The following FAM171B variants were observed in gnomAD, a reference collection of about 807,000 sequenced individuals.
FAM171B encodes the protein protein FAM171B.
In FAM171B, 19 loss-of-function variants were observed where a neutral mutation model predicts 75.6. The observed-to-expected ratio is 0.25, with a 90% CI of 0.18 to 0.37. FAM171B has a LOEUF of 0.37. Ranked by LOEUF, FAM171B falls within the 10% of genes least tolerant of loss-of-function variation. The probability of loss-of-function intolerance (pLI) is 1.00; values close to 1 mark genes in which losing one functional copy is unlikely to be tolerated. For synonymous variants in FAM171B, 367 were observed against 361.7 expected, an observed-to-expected ratio of 1.01 and a Z score of -0.17; for missense variants, 848 against 982.4, an observed-to-expected ratio of 0.86 and a Z score of 1.83.
rs998255449 is a variant in FAM171B, at chr2:186,763,888, T to C, written c.*1065T>C. On this transcript the variant is annotated 3_prime_UTR_variant, in exon 8 of 8. Transcript: ENST00000304698. ...TTCAGGATAGTTGTATATCCAGTTA[T>C]TGATTTTCTTAAAAGATGTGTAAGG... 1.3e-5 allele frequency: 2 copies of C among 152,146 alleles called. No homozygotes were observed. Among genetic ancestry groups the C allele is most frequent in the Admixed American group, 1.3e-4 (2 of 15,250 alleles). 9.4% of individuals were successfully genotyped at this position (152,146 alleles called of 1,614,324 possible).
intron 1 of FAM171B, among the ~76,000 whole-genome samples, chr2:186,703,431 G>C (rs776455640): frequency 6.6e-6 from 1 of 152,086 alleles, no homozygotes; most frequent in Non-Finnish European, 1.5e-5. Flanking sequence ...CCTGAGCTCC[G>C]AACACATTAT....
intron 1 of FAM171B, among the ~76,000 whole-genome samples, chr2:186,697,410 T>A (rs1397426391): frequency 6.6e-6 from 1 of 152,054 alleles, no homozygotes; most frequent in Non-Finnish European, 1.5e-5. Flanking sequence ...CCAGCTAATT[T>A]TTAATTTTTT....
intron 1 of FAM171B, among the ~76,000 whole-genome samples, chr2:186,713,704 T>C (rs1689838875): frequency 6.6e-6 from 1 of 152,216 alleles, no homozygotes; most frequent in African/African-American, 2.4e-5. Context: ...TAAAGCATAT[T>C]GTGCAATAAA....
chr2:186,698,364 A>G (rs1463388414), intron 1 of FAM171B, among the ~76,000 whole-genome samples: 1 of 152,084 alleles, frequency 6.6e-6, no homozygotes, highest in Non-Finnish European at 1.5e-5. Context: ...TAAACTTTTT[A>G]TTTCGCAAGA....
At position 186,765,545 on chromosome 2, in the gene FAM171B, G is replaced by C. The variant is rs902829027; in HGVS notation, c.*2722G>C. On this transcript the variant is annotated 3_prime_UTR_variant, in exon 8 of 8. Coordinates refer to ENST00000304698, the MANE Select transcript of FAM171B (RefSeq NM_177454.4). ...AGATTACAAATGTTGAGGAATGAAA[G>C]CACTTCTTTGCTTTGGCAATCATTT... The C allele has an allele frequency of 6.6e-6, 1 of 151,906 alleles. No homozygotes were observed. The highest frequency in any genetic ancestry group is 2.1e-4 in the South Asian group (1 of 4,814). 9.4% of individuals were successfully genotyped at this position (151,906 alleles called of 1,614,324 possible).
chr2:186,734,877 G>T (rs1690175353), intron 1 of FAM171B, among the ~76,000 whole-genome samples: 1 of 152,218 alleles, frequency 6.6e-6, no homozygotes, highest in Admixed American at 6.5e-5. Context: ...CATCCAGCTG[G>T]GTTGCAAAAG....
chr2:186,731,668 CAG>C (rs375125705), intron 1 of FAM171B, among the ~76,000 whole-genome samples: 81 of 152,288 alleles, frequency 5.3e-4, no homozygotes, highest in African/African-American at 1.8e-3. Flanking sequence ...GGGACACAGA[CAG>C]ATACAGATAC....
At chr2:186,734,031 T>G (rs1690161477) in intron 1 of FAM171B, among the ~76,000 whole-genome samples, 1 of 152,204 alleles carries the variant, frequency 6.6e-6, no homozygotes, top group Admixed American at 6.5e-5. Context: ...CAATGGGGAC[T>G]GAGCTTTTAT....
In FAM171B at chr2:186,740,398, A is replaced by G. The variant is rs747728735; in HGVS notation, c.409A>G (p.Ile137Val). Residue 137 changes from isoleucine to valine, a missense_variant, in exon 2 of 8, where the codon ATT becomes GTT. Physicochemically the swap from Ile to Val is conservative, Grantham distance 29. Transcript: ENST00000304698. ...VPYKLGLSLT[I>V]IAYKDGYVLT... The stretch of plus-strand genomic sequence containing the variant: ...CTACAAATTAGGACTTAGTTTAACT[A>G]TTATTGCTTACAAAGATGGCTACGT... 1 of 1,614,080 alleles carries G rather than the reference A, an allele frequency of 6.2e-7. No homozygotes were observed. Among genetic ancestry groups the G allele is most frequent in the Non-Finnish European group, 8.5e-7 (1 of 1,179,950 alleles).
intron 1 of FAM171B, among the ~76,000 whole-genome samples, chr2:186,714,751 A>G (rs1178347314): frequency 6.6e-6 from 1 of 152,186 alleles, no homozygotes; most frequent in Non-Finnish European, 1.5e-5. Context: ...TCACCCCTGG[A>G]CTTGTATTGA....
At chr2:186,713,031 T>C (rs1414593351) in intron 1 of FAM171B, among the ~76,000 whole-genome samples, 2 of 152,256 alleles carry the variant, frequency 1.3e-5, no homozygotes, top group Non-Finnish European at 2.9e-5. Flanking sequence ...AACTGCTTTT[T>C]GGTACTTAAA....
At chr2:186,730,835 G>GT (rs992812875) in intron 1 of FAM171B, among the ~76,000 whole-genome samples, 36 of 149,554 alleles carry the variant, frequency 2.4e-4, no homozygotes, top group Non-Finnish European at 3.0e-4. Flanking sequence ...GGAATATGCA[G>GT]TTTTTTTTTT....
At position 186,694,154 on chromosome 2, in the gene FAM171B, C is replaced by T; in HGVS notation, c.-20C>T. On this transcript the variant is annotated 5_prime_UTR_variant, in exon 1 of 8. Coordinates refer to ENST00000304698, the MANE Select transcript of FAM171B (RefSeq NM_177454.4). ...CCCGGAGCCCCGCAATATGCCGCCG[C>T]GGCCCTCTGGCTCTAGGCCATGGCG... 1 of 1,541,752 alleles carries T rather than the reference C, an allele frequency of 6.5e-7. No homozygotes were observed. The highest frequency in any genetic ancestry group is 1.2e-5 in the South Asian group (1 of 83,610).
At chr2:186,716,136 C>A (rs1319198693) in intron 1 of FAM171B, among the ~76,000 whole-genome samples, 1 of 152,128 alleles carries the variant, frequency 6.6e-6, no homozygotes, top group Non-Finnish European at 1.5e-5. Context: ...CCTCAGCATC[C>A]TCAGTAGCTG....
At chr2:186,722,433 AAAGGGACTT>A (rs1689969147) in intron 1 of FAM171B, among the ~76,000 whole-genome samples, 1 of 152,204 alleles carries the variant, frequency 6.6e-6, no homozygotes, top group Non-Finnish European at 1.5e-5. Flanking sequence ...TACTTAAAAA[AAAGGGACTT>A]AACTAGATTC....
intron 1 of FAM171B, among the ~76,000 whole-genome samples, chr2:186,698,826 C>T (rs1273157978): frequency 6.6e-6 from 1 of 152,166 alleles, no homozygotes; most frequent in East Asian, 1.9e-4. Context: ...ATTCTAATCT[C>T]TATCTCCGTG....
chr2:186,759,904 A>T lies in FAM171B; in HGVS notation c.1013-1209A>T, dbSNP rs144802547. Among the ~76,000 whole-genome samples the T allele has an allele frequency of 2.7e-4, 41 of 152,060 alleles. 1 individual carries two copies. The highest frequency in any genetic ancestry group is 3.4e-3 in the Middle Eastern group (1 of 294). The stretch of plus-strand genomic sequence containing the variant: ...GTTTCCTCAATGTTTTCTTTCAGTG[A>T]TTTCATAGTTTGAGGTCTTAGATTT... On this transcript the variant is annotated intron_variant, in intron 6 of 7. Transcript: ENST00000304698.
At position 186,747,021 on chromosome 2, in the gene FAM171B, G is replaced by GTAAA. The variant is rs1559090861; in HGVS notation, c.566-71_566-70insTAAA. The GTAAA allele has an allele frequency of 1.1e-5, 13 of 1,153,564 alleles. No homozygotes were observed. In the African/African-American group the frequency reaches 2.1e-4, roughly 18 times the overall value. The allele number at this position is 1,153,564 out of a possible 1,614,324, so 71.5% of individuals were successfully genotyped here. ...ATTATAATTGCTTCTTTTAAAGTAA[G>GTAAA]ACATCCTGACCAATGCTGCTATGCT... On this transcript the variant is annotated intron_variant, in intron 3 of 7. Transcript: ENST00000304698.
chr2:186,736,618 C>T (rs114644838), intron 1 of FAM171B, among the ~76,000 whole-genome samples: 2,609 of 110,840 alleles, frequency 0.024, 46 homozygotes, highest in Middle Eastern at 0.038. Context: ...TAACATTTAA[C>T]GTTTTAGACT....
Sources: allele counts gnomAD v4.1 joint callset (sites outside exome capture counted in the v4.1 genomes callset), GRCh38; gene constraint gnomAD v4.1.1; transcripts MANE v1.5; gene names NCBI Gene and HGNC (gene_info 2026-07-23, HGNC 2026-07-21).